OPCML: variants seen among roughly 807,000 people sequenced by gnomAD.
OPCML encodes opioid-binding protein/cell adhesion molecule.
In OPCML, 13 loss-of-function variants were observed where a neutral mutation model predicts 37.8. That is an observed-to-expected ratio of 0.34 (90% confidence interval 0.22 to 0.55). OPCML has a LOEUF of 0.55. Among genes scored for constraint, OPCML ranks in the 20% least tolerant of loss-of-function variants. The pLI is 0.91. For missense variants in OPCML, 341 were observed against 435.6 expected (o/e 0.78, Z 1.93); for synonymous variants, 176 against 168.8 (o/e 1.04, Z -0.33).
At chr11:133,344,654 C>A (rs981842379) in intron 1 of OPCML, among the ~76,000 whole-genome samples, 1 of 152,188 alleles carries the variant, frequency 6.6e-6, no homozygotes, top group Non-Finnish European at 1.5e-5. Context: ...TGAGAACCCC[C>A]CACACTTCTA....
intron 1 of OPCML, among the ~76,000 whole-genome samples, chr11:133,064,501 G>A (rs921411463): frequency 7.9e-5 from 12 of 152,066 alleles, no homozygotes; most frequent in African/African-American, 2.9e-4. Flanking sequence ...GGTCCTACCA[G>A]AGACTGTCGC....
chr11:133,251,571 T>C (rs1379611936), intron 1 of OPCML, among the ~76,000 whole-genome samples: 2 of 149,314 alleles, frequency 1.3e-5, no homozygotes, highest in African/African-American at 4.9e-5. Flanking sequence ...GTTTGTGTTC[T>C]TTTTTTGGGG....
intron 1 of OPCML, among the ~76,000 whole-genome samples, chr11:133,016,278 C>G (rs1245661542): frequency 6.6e-6 from 1 of 152,120 alleles, no homozygotes. Context: ...ATTTGGGGCC[C>G]CTGCAGAAGA....
intron 1 of OPCML, among the ~76,000 whole-genome samples, chr11:133,033,859 C>T (rs75680315): frequency 0.1 from 15,777 of 152,138 alleles, 1,295 homozygotes; most frequent in East Asian, 0.3. Context: ...AATACTGAGG[C>T]AGATACGATA....
chr11:133,184,313 C>T (rs966090534), intron 1 of OPCML, among the ~76,000 whole-genome samples: 2 of 152,152 alleles, frequency 1.3e-5, no homozygotes, highest in African/African-American at 4.8e-5. Flanking sequence ...GTACAACGTG[C>T]ACGTGCAGAA....
intron 2 of OPCML, among the ~76,000 whole-genome samples, chr11:132,918,773 G>A (rs369139587): frequency 3.2e-4 from 49 of 151,342 alleles, no homozygotes; most frequent in African/African-American, 1.1e-3. Context: ...CAACTTACAC[G>A]TGCCAACATA....
At chr11:133,130,352 T>G (rs1949584059) in intron 1 of OPCML, among the ~76,000 whole-genome samples, 1 of 152,082 alleles carries the variant, frequency 6.6e-6, no homozygotes, top group Non-Finnish European at 1.5e-5. Flanking sequence ...TGAGTTGCTA[T>G]AGGAAAGGAG....
At chr11:133,094,783 C>T (rs1948971354) in intron 1 of OPCML, among the ~76,000 whole-genome samples, 1 of 152,066 alleles carries the variant, frequency 6.6e-6, no homozygotes, top group Admixed American at 6.6e-5. Flanking sequence ...TCTTGAGATG[C>T]TAGAAATGAG....
intron 2 of OPCML, among the ~76,000 whole-genome samples, chr11:132,713,602 T>C (rs1047471297): frequency 6.6e-6 from 1 of 152,378 alleles, no homozygotes; most frequent in East Asian, 1.9e-4. Context: ...GATATGTTCA[T>C]TGATGTATTC....
chr11:133,482,262 G>A (rs1947389415), intron 1 of OPCML, among the ~76,000 whole-genome samples: 1 of 152,150 alleles, frequency 6.6e-6, no homozygotes, highest in African/African-American at 2.4e-5. Flanking sequence ...GACATGGGAA[G>A]AGAACATCTG....
At chr11:133,430,891 T>G (rs1273675206) in intron 1 of OPCML, among the ~76,000 whole-genome samples, 1 of 152,222 alleles carries the variant, frequency 6.6e-6, no homozygotes, top group Non-Finnish European at 1.5e-5. Flanking sequence ...TGGCAAAGTT[T>G]GGTTGAGTGT....
chr11:132,960,010 A>G (rs1364767186), intron 1 of OPCML, among the ~76,000 whole-genome samples: 1 of 152,186 alleles, frequency 6.6e-6, no homozygotes, highest in Admixed American at 6.5e-5. Flanking sequence ...TCTAAAATTG[A>G]GCTTAAACAG....
chr11:133,434,476 G>A (rs1347522294), intron 1 of OPCML, among the ~76,000 whole-genome samples: 1 of 152,040 alleles, frequency 6.6e-6, no homozygotes, highest in Admixed American at 6.5e-5. Context: ...TATTTACAAA[G>A]GCTTCAAATT....
intron 1 of OPCML, among the ~76,000 whole-genome samples, chr11:133,125,547 TAATAG>T (rs1354323242): frequency 1.3e-5 from 2 of 149,186 alleles, no homozygotes; most frequent in Admixed American, 6.8e-5. Flanking sequence ...GAAATAAAAC[TAATAG>T]GATATATATA....
intron 1 of OPCML, among the ~76,000 whole-genome samples, chr11:132,953,052 A>G (rs1055642912): frequency 7.2e-5 from 11 of 152,228 alleles, no homozygotes; most frequent in Non-Finnish European, 1.3e-4. Context: ...AGAGTGATCT[A>G]TTGAGAACTT....
chr11:133,337,644 T>C (rs898424842), intron 1 of OPCML, among the ~76,000 whole-genome samples: 1 of 152,084 alleles, frequency 6.6e-6, no homozygotes, highest in Non-Finnish European at 1.5e-5. Context: ...CAATTCTCAC[T>C]CCTTACCTCA....
At chr11:133,309,902 G>A (rs1322101708) in intron 1 of OPCML, among the ~76,000 whole-genome samples, 3 of 152,176 alleles carry the variant, frequency 2.0e-5, no homozygotes, top group African/African-American at 4.8e-5. Context: ...TGCTTGAAGG[G>A]CAATGAGGAC....
chr11:133,275,919 T>C (rs1941980055), intron 1 of OPCML, among the ~76,000 whole-genome samples: 2 of 152,128 alleles, frequency 1.3e-5, no homozygotes, highest in Non-Finnish European at 2.9e-5. Flanking sequence ...CTCCTCCTGC[T>C]CCTCATCAAT....
At chr11:133,130,794 G>A (rs1363174902) in intron 1 of OPCML, among the ~76,000 whole-genome samples, 1 of 152,058 alleles carries the variant, frequency 6.6e-6, no homozygotes, top group African/African-American at 2.4e-5. Context: ...CACAAACATA[G>A]TCAACTAAAT....
Sources: allele counts gnomAD v4.1 joint callset (sites outside exome capture counted in the v4.1 genomes callset), GRCh38; gene constraint gnomAD v4.1.1; transcripts MANE v1.5; gene names NCBI Gene and HGNC (gene_info 2026-07-23, HGNC 2026-07-21).